Variants in GRIN2A observed in about 807,000 individuals in gnomAD.
GRIN2A encodes glutamate ionotropic receptor NMDA type subunit 2A.
GRIN2A carries 22 observed loss-of-function variants against 113.4 expected under a neutral mutation model. That is an observed-to-expected ratio of 0.19 (90% CI 0.14 to 0.28). The LOEUF (loss-of-function observed/expected upper bound fraction) is 0.28, where lower values mean the gene tolerates loss of function less well. Among genes scored for constraint, GRIN2A ranks in the 10% least tolerant of loss-of-function variants. The probability of loss-of-function intolerance (pLI) is 1.00; values close to 1 mark genes in which losing one functional copy is unlikely to be tolerated. For missense variants in GRIN2A, 1,502 were observed against 1,887.0 expected (o/e 0.80, Z 3.78); for synonymous variants, 827 against 738.4 (o/e 1.12, Z -1.94).
intron 2 of GRIN2A, among the ~76,000 whole-genome samples, chr16:10,070,148 C>T (rs575523595): frequency 1.3e-5 from 2 of 152,218 alleles, no homozygotes; most frequent in South Asian, 2.1e-4. Flanking sequence ...ATCCTCAACT[C>T]GGGGAAGTCC....
At chr16:10,088,476 C>T (rs143387952) in intron 2 of GRIN2A, among the ~76,000 whole-genome samples, 1 of 152,204 alleles carries the variant, frequency 6.6e-6, no homozygotes, top group East Asian at 1.9e-4. Context: ...GCAGACACAA[C>T]AATCTATACC....
chr16:9,891,117 A>T lies in GRIN2A; in HGVS notation c.1008-17T>A. Reference sequence around the variant, plus strand: ...ACCATAAATCTAGAAAGGGGAAGAGAGAAAGACAAATTTTTAGGAAAGAAT... The same window carrying T: ...ACCATAAATCTAGAAAGGGGAAGAGTGAAAGACAAATTTTTAGGAAAGAAT... On this transcript the variant is annotated splice_polypyrimidine_tract_variant and intron_variant, in intron 3 of 12. Coordinates refer to ENST00000330684, the MANE Select transcript of GRIN2A (RefSeq NM_001134407.3). The T allele has an allele frequency of 6.8e-7, 1 of 1,471,334 alleles. No homozygotes were observed. Among genetic ancestry groups the T allele is most frequent in the African/African-American group, 1.4e-5 (1 of 72,250 alleles). 91.1% of individuals were successfully genotyped at this position (1,471,334 alleles called of 1,614,324 possible).
At chr16:9,869,436 A>G (rs1394512031) in intron 4 of GRIN2A, among the ~76,000 whole-genome samples, 1 of 152,218 alleles carries the variant, frequency 6.6e-6, no homozygotes, top group Non-Finnish European at 1.5e-5. Flanking sequence ...CTGTCTCTAA[A>G]TAAATAAAAC....
At chr16:9,840,069 G>T (rs960497958) in intron 7 of GRIN2A, among the ~76,000 whole-genome samples, 1 of 152,158 alleles carries the variant, frequency 6.6e-6, no homozygotes, top group Non-Finnish European at 1.5e-5. Context: ...AGTAAGCCAA[G>T]ATCATAACAC....
At chr16:10,044,563 C>T (rs534044466) in intron 2 of GRIN2A, among the ~76,000 whole-genome samples, 5 of 151,478 alleles carry the variant, frequency 3.3e-5, no homozygotes, top group African/African-American at 1.2e-4. Flanking sequence ...CTTTAATATA[C>T]ATCCTATTGC....
intron 2 of GRIN2A, among the ~76,000 whole-genome samples, chr16:10,095,336 A>T (rs1353389097): frequency 6.6e-6 from 1 of 152,262 alleles, no homozygotes; most frequent in Non-Finnish European, 1.5e-5. Flanking sequence ...AAAGAATACA[A>T]GAGCCAGGTT....
intron 4 of GRIN2A, among the ~76,000 whole-genome samples, chr16:9,857,216 T>C (rs569989247): frequency 3.3e-5 from 5 of 152,292 alleles, no homozygotes; most frequent in African/African-American, 1.2e-4. Context: ...ACATGTCATA[T>C]AGGATCCTGG....
chr16:10,130,021 G>C (rs2049029299), intron 2 of GRIN2A, among the ~76,000 whole-genome samples: 1 of 152,194 alleles, frequency 6.6e-6, no homozygotes, highest in African/African-American at 2.4e-5. Context: ...AGAAATCAAA[G>C]GTGACTTGTA....
In GRIN2A at chr16:9,771,052, A is replaced by G. The variant is rs375442428; in HGVS notation, c.2357-1963T>C. 3.5e-3 allele frequency among the ~76,000 whole-genome samples: 531 copies of G among 152,336 alleles called. 6 individuals carry two copies. Among genetic ancestry groups the G allele is most frequent in the African/African-American group, 0.012 (507 of 41,568 alleles). Reference sequence around the variant, plus strand: ...TTTGCACTCCCATCAACAATGAATGAGAGAGCTCCTGTTGCTCCAAGTCCT... The same window carrying G: ...TTTGCACTCCCATCAACAATGAATGGGAGAGCTCCTGTTGCTCCAAGTCCT... On this transcript the variant is annotated intron_variant, in intron 11 of 12. Transcript: ENST00000330684.
intron 2 of GRIN2A, among the ~76,000 whole-genome samples, chr16:10,131,119 C>T (rs1399408657): frequency 6.6e-6 from 1 of 152,198 alleles, no homozygotes; most frequent in African/African-American, 2.4e-5. Context: ...AAAATAGCGG[C>T]AGGGGCTGAT....
chr16:10,006,946 G>A (rs556014407), intron 2 of GRIN2A, among the ~76,000 whole-genome samples: 1 of 152,272 alleles, frequency 6.6e-6, no homozygotes, highest in East Asian at 1.9e-4. Context: ...CATCCATGTT[G>A]TTGCAAATGA....
chr16:9,962,149 G>C (rs11864658), intron 2 of GRIN2A, among the ~76,000 whole-genome samples: 63 of 151,958 alleles, frequency 4.1e-4, no homozygotes, highest in African/African-American at 1.5e-3. Context: ...GACCTAAAAC[G>C]ATAAAAACCC....
At chr16:9,877,654 C>A (rs1447591067) in intron 4 of GRIN2A, among the ~76,000 whole-genome samples, 1 of 121,932 alleles carries the variant, frequency 8.2e-6, no homozygotes, top group Non-Finnish European at 1.7e-5. Context: ...CTCTCCCTCT[C>A]CCCCCTCTCT....
At position 9,934,773 on chromosome 16, in the gene GRIN2A, A is replaced by T. The variant is rs543777279; in HGVS notation, c.1007+3186T>A. Among the ~76,000 whole-genome samples, 60 of 150,152 alleles carry T rather than the reference A, an allele frequency of 4.0e-4. No homozygotes were observed. The South Asian group carries it at 5.1e-3, about 13-fold the overall frequency. On this transcript the variant is annotated intron_variant, in intron 3 of 12. Coordinates refer to ENST00000330684, the MANE Select transcript of GRIN2A (RefSeq NM_001134407.3). ...TTTGGCCTTTCTCTAGCTCCCTGTC[A>T]AGGGCAGCCTGGCAGGTTTCCACTA...
chr16:10,102,698 C>A (rs2048423724), intron 2 of GRIN2A, among the ~76,000 whole-genome samples: 1 of 152,100 alleles, frequency 6.6e-6, no homozygotes. Context: ...AGGCATGCAC[C>A]ACCATGCCAG....
intron 3 of GRIN2A, among the ~76,000 whole-genome samples, chr16:9,905,351 G>A (rs1197387894): frequency 6.6e-6 from 1 of 151,920 alleles, no homozygotes; most frequent in Non-Finnish European, 1.5e-5. Flanking sequence ...CTTTTTTCAG[G>A]GCAAACACCA....
chr16:10,024,587 T>G (rs1253035735), intron 2 of GRIN2A, among the ~76,000 whole-genome samples: 2 of 152,242 alleles, frequency 1.3e-5, no homozygotes, highest in Non-Finnish European at 2.9e-5. Context: ...CCACGTCTTC[T>G]CTGTCTCCCA....
chr16:9,857,925 AT>A (rs2042996438), intron 4 of GRIN2A, among the ~76,000 whole-genome samples: 1 of 152,082 alleles, frequency 6.6e-6, no homozygotes, highest in South Asian at 2.1e-4. Flanking sequence ...TTTTCTCCAC[AT>A]TTCTCCCAAG....
intron 2 of GRIN2A, among the ~76,000 whole-genome samples, chr16:9,971,012 G>A (rs907019425): frequency 6.6e-6 from 1 of 151,974 alleles, no homozygotes; most frequent in Non-Finnish European, 1.5e-5. Context: ...AGACTGGGGG[G>A]AAGGGGAGAG....
Sources: gnomAD v4.1 joint callset for allele counts (sites outside exome capture counted in the v4.1 genomes callset) on GRCh38, gnomAD v4.1.1 for gene constraint, MANE v1.5 for transcripts, NCBI Gene and HGNC (gene_info 2026-07-23, HGNC 2026-07-21) for gene names.